The following EPG5 variants were observed in gnomAD, a reference collection of about 807,000 sequenced individuals.
EPG5 encodes ectopic P granules protein 5 homolog.
A neutral mutation model predicts 302.7 loss-of-function variants in EPG5; 159 were observed. The observed-to-expected ratio is 0.53, with a 90% CI of 0.46 to 0.60. The LOEUF (loss-of-function observed/expected upper bound fraction) is 0.60. EPG5 is among the 20% of genes least tolerant of loss of function. The pLI is 0.00. For synonymous variants in EPG5, 1,158 were observed against 1,136.8 expected, an observed-to-expected ratio of 1.02 and a Z score of -0.37; for missense variants, 2,896 against 3,092.4, an observed-to-expected ratio of 0.94 and a Z score of 1.51.
At chr18:45,870,937 C>G (rs977390665) in intron 35 of EPG5, among the ~76,000 whole-genome samples, 195 bp from the exon 36 acceptor site, 2 of 152,104 alleles carry the variant, frequency 1.3e-5, no homozygotes, top group Admixed American at 6.6e-5. Flanking sequence ...TAATTACCCA[C>G]TCGGGTAACT....
chr18:45,870,672 T>C lies in EPG5; in HGVS notation c.6120A>G (p.Ala2040=). ...HLMHYCEACT[A]PKMPEFILYA... is the part of the protein sequence containing the mutation. ...ACAGAATGAACTCTGGCATTTTGGG[T>C]GCTGTACATGCTTCACAATAATGCA... The change falls in exon 36 of 44, where the codon GCA becomes GCG. Residue 2040 remains alanine (A), a synonymous_variant. Transcript: ENST00000282041. 6.2e-7 allele frequency: 1 copy of C among 1,613,730 alleles called. No homozygotes were observed.
intron 40 of EPG5, among the ~76,000 whole-genome samples, chr18:45,859,825 C>G (rs1489283450): frequency 6.6e-6 from 1 of 152,188 alleles, no homozygotes; most frequent in African/African-American, 2.4e-5. Context: ...CATATCATAA[C>G]AGGTTGGTCT....
chr18:45,826,610 TC>T, the EPG5 span, among the ~76,000 whole-genome samples: 3 of 152,092 alleles, frequency 2.0e-5, no homozygotes, highest in African/African-American at 4.8e-5. Flanking sequence ...CCTTACCCCA[TC>T]CCCATCCTAG....
chr18:45,812,447 G>A, the EPG5 span, among the ~76,000 whole-genome samples: 1 of 152,106 alleles, frequency 6.6e-6, no homozygotes, highest in Non-Finnish European at 1.5e-5. Flanking sequence ...CAAAAAAAGG[G>A]CCCTCATTGC....
Position 45,943,306 on chromosome 18 carries a change from A to T in EPG5, c.1798T>A (p.Tyr600Asn). Residue 600 changes from tyrosine to asparagine, a missense_variant, in exon 9 of 44, where the codon TAT becomes AAT. Physicochemically the swap from Tyr to Asn is moderately radical, Grantham distance 143. This residue lies in a region of EPG5 where 1,390 missense variants were observed against 1,430.0 expected (regional missense o/e 0.97). Coordinates refer to ENST00000282041, the MANE Select transcript of EPG5 (RefSeq NM_020964.3). ...HLLGFKAKGD[Y>N]LPETTRPQEM... ...TGAGGTCTTGTTGTTTCAGGTAAAT[A>T]ATCACCTAGAAGTTAATCAGATAAA... 1 of 1,613,824 alleles carries T rather than the reference A, an allele frequency of 6.2e-7. No individual in the cohort carries two copies. Among genetic ancestry groups the T allele is most frequent in the Non-Finnish European group, 8.5e-7 (1 of 1,179,716 alleles).
chr18:45,952,849 G>A (rs373029440), intron 2 of EPG5, among the ~76,000 whole-genome samples: 7 of 152,234 alleles, frequency 4.6e-5, no homozygotes, highest in African/African-American at 1.4e-4. Flanking sequence ...CAAATACATC[G>A]CAAATTCAGA....
chr18:45,929,815 G>GTA (rs770835324), intron 12 of EPG5, among the ~76,000 whole-genome samples: 11 of 152,164 alleles, frequency 7.2e-5, no homozygotes, highest in Non-Finnish European at 1.3e-4. Context: ...TGGTTATGAA[G>GTA]TACCAGTATA....
chr18:45,875,643 G>A (rs2048952663), intron 35 of EPG5, among the ~76,000 whole-genome samples: 1 of 152,120 alleles, frequency 6.6e-6, no homozygotes, highest in Admixed American at 6.5e-5. Context: ...GAGGTTAAGA[G>A]TTAGGGAGGA....
At chr18:45,882,208 G>A (rs2049112219) in intron 31 of EPG5, 66 bp downstream of exon 31, 9 of 1,317,304 alleles carry the variant, frequency 6.8e-6, no homozygotes, top group Non-Finnish European at 7.6e-6. Flanking sequence ...ACATCTGTAA[G>A]ATGAAAAATG....
chr18:45,911,119 A>AT (rs1437335655), intron 22 of EPG5, among the ~76,000 whole-genome samples: 4 of 150,488 alleles, frequency 2.7e-5, no homozygotes, highest in Non-Finnish European at 5.9e-5. Context: ...ACATATATAT[A>AT]TATATATACA....
chr18:45,845,628 C>A (rs1041740539), downstream of EPG5, among the ~76,000 whole-genome samples: 1 of 152,214 alleles, frequency 6.6e-6, no homozygotes, highest in Non-Finnish European at 1.5e-5. Flanking sequence ...TGGTGTCCTG[C>A]GGCACGGAGT....
intron 27 of EPG5, among the ~76,000 whole-genome samples, chr18:45,892,808 A>C (rs1182484341): frequency 3.9e-5 from 6 of 152,254 alleles, no homozygotes; most frequent in Admixed American, 2.0e-4. Flanking sequence ...TCCCAGAAAA[A>C]ATCTATTAAG....
the EPG5 span, among the ~76,000 whole-genome samples, chr18:45,815,646 A>G: frequency 6.6e-6 from 1 of 152,210 alleles, no homozygotes; most frequent in Non-Finnish European, 1.5e-5. Context: ...CATAGATGAC[A>G]CAAACAAATG....
Position 45,852,503 on chromosome 18 carries a change from C to G in EPG5, c.7704G>C (p.Leu2568=), listed in dbSNP as rs553920789. The change falls in exon 44 of 44, where the codon CTG becomes CTC. Residue 2568 remains leucine, a synonymous_variant. Transcript: ENST00000282041. ...KSFLALLVNC[L]YPEVHYLDHI... ...GGTCCAAATAATGCACTTCTGGATA[C>G]AGACAGTTAACGAGAAGAGCCAAGA... 3.1e-6 allele frequency: 5 copies of G among 1,614,078 alleles called. No homozygotes were observed. Among genetic ancestry groups the G allele is most frequent in the African/African-American group, 1.3e-5 (1 of 74,934 alleles).
At chr18:45,844,766 T>G (rs926208326), downstream of EPG5, among the ~76,000 whole-genome samples, 1 of 152,260 alleles carries the variant, frequency 6.6e-6, no homozygotes, top group South Asian at 2.1e-4. Context: ...AGGAGCAGGC[T>G]TGTGTACCTC....
chr18:45,945,185 TATGTATCTAAA>T (rs2050759733), intron 7 of EPG5, among the ~76,000 whole-genome samples: 1 of 152,240 alleles, frequency 6.6e-6, no homozygotes. Flanking sequence ...ACACTCTTAT[TATGTATCTAAA>T]ATGGCTAACA....
At chr18:45,875,180 A>T (rs1027340453) in intron 35 of EPG5, among the ~76,000 whole-genome samples, 1 of 152,192 alleles carries the variant, frequency 6.6e-6, no homozygotes, top group Non-Finnish European at 1.5e-5. Context: ...TCTCTGGAGG[A>T]CTTACACACC....
downstream of EPG5, among the ~76,000 whole-genome samples, chr18:45,844,280 C>T (rs1008747421): frequency 2.6e-5 from 4 of 151,550 alleles, no homozygotes; most frequent in African/African-American, 4.8e-5. Flanking sequence ...TAGCAGGGAG[C>T]GGGCGATAAC....
rs187635789 is a variant in EPG5 at position 45,888,327 on chromosome 18, G to A, written c.4953-420C>T. On this transcript the variant is annotated intron_variant, in intron 28 of 43. Coordinates refer to ENST00000282041, the MANE Select transcript of EPG5 (RefSeq NM_020964.3). ...TTTATTTATTTATTTATTTTTTGAC[G>A]GAGTCTCACTCTGTCACCCAGGCTG... Among the ~76,000 whole-genome samples, 340 of 148,944 alleles carry A rather than the reference G, an allele frequency of 2.3e-3. 2 individuals carry two copies. Among genetic ancestry groups the A allele is most frequent in the African/African-American group, 8.0e-3 (320 of 40,204 alleles).
Sources: gnomAD v4.1 joint callset for allele counts (sites outside exome capture counted in the v4.1 genomes callset) on GRCh38, gnomAD v4.1.1 for gene constraint, gnomAD v4.1.1 regional missense constraint, MANE v1.5 for transcripts, NCBI Gene and HGNC (gene_info 2026-07-23, HGNC 2026-07-21) for gene names.